The following SMCO4 variants were observed in gnomAD, a reference collection of about 807,000 sequenced individuals.
SMCO4 encodes the protein single-pass membrane protein with coiled-coil domains 4.
A neutral mutation model predicts 3.6 loss-of-function variants in SMCO4; 4 were observed. The ratio of observed to expected loss-of-function variants is 1.11; its 90% CI spans 0.54 to 2.53. The LOEUF (loss-of-function observed/expected upper bound fraction) is 2.53, where lower values mean the gene tolerates loss of function less well. SMCO4 is among the 30% of genes most tolerant of loss of function. The pLI, the probability that SMCO4 is intolerant of heterozygous loss-of-function variation, is 0.02. For synonymous variants in SMCO4, 36 were observed against 35.3 expected, an observed-to-expected ratio of 1.02 and a Z score of -0.07; for missense variants, 70 against 80.8, an observed-to-expected ratio of 0.87 and a Z score of 0.51.
chr11:93,490,035 G>A (rs769505083), intron 2 of SMCO4, among the ~76,000 whole-genome samples: 4 of 152,218 alleles, frequency 2.6e-5, no homozygotes, highest in African/African-American at 7.2e-5. Context: ...CCTTCCCAGA[G>A]CCAGCAGCAA....
intron 1 of SMCO4, among the ~76,000 whole-genome samples, chr11:93,503,118 T>C (rs1416472379): frequency 6.6e-6 from 1 of 151,976 alleles, no homozygotes; most frequent in Non-Finnish European, 1.5e-5. Context: ...CCCAGAGAGG[T>C]CAGGTCCTGT....
intron 1 of SMCO4, among the ~76,000 whole-genome samples, chr11:93,509,494 T>C (rs1177392642): frequency 6.6e-6 from 1 of 152,092 alleles, no homozygotes; most frequent in African/African-American, 2.4e-5. Flanking sequence ...AAGAAGTCAT[T>C]ATATGAGAAA....
At chr11:93,552,419 C>T in the SMCO4 span, among the ~76,000 whole-genome samples, 11 of 148,488 alleles carry the variant, frequency 7.4e-5, no homozygotes, top group African/African-American at 2.2e-4. Context: ...GGATTACAGG[C>T]GTAGGCCACC....
chr11:93,490,012 G>A (rs558417785), intron 2 of SMCO4, among the ~76,000 whole-genome samples: 7 of 152,170 alleles, frequency 4.6e-5, no homozygotes, highest in African/African-American at 1.4e-4. Flanking sequence ...GTGCAGGCTC[G>A]TCCTCAAAAG....
chr11:93,505,353 A>T (rs553027432), intron 1 of SMCO4, among the ~76,000 whole-genome samples: 2 of 152,352 alleles, frequency 1.3e-5, no homozygotes, highest in South Asian at 4.1e-4. Context: ...CCATATAAAA[A>T]GTATAATTAA....
chr11:93,546,554 C>T (rs923609008), upstream of SMCO4, among the ~76,000 whole-genome samples: 3 of 152,144 alleles, frequency 2.0e-5, no homozygotes, highest in African/African-American at 4.8e-5. Context: ...TAACCCACCA[C>T]CTCATTTTAC....
chr11:93,518,704 A>C (rs139091045), intron 1 of SMCO4, among the ~76,000 whole-genome samples: 5 of 152,350 alleles, frequency 3.3e-5, no homozygotes, highest in Non-Finnish European at 7.3e-5. Flanking sequence ...TGAAAGGCTA[A>C]GAGAAAAGAT....
intron 2 of SMCO4, among the ~76,000 whole-genome samples, chr11:93,495,400 A>T (rs1217852835): frequency 6.6e-6 from 1 of 152,114 alleles, no homozygotes; most frequent in Non-Finnish European, 1.5e-5. Context: ...CCTAAGATGA[A>T]ATTCAGGTAC....
At chr11:93,541,571 C>G (rs56796103) in intron 1 of SMCO4, among the ~76,000 whole-genome samples, 2,572 of 152,242 alleles carry the variant, frequency 0.017, 87 homozygotes, top group African/African-American at 0.059. Flanking sequence ...AGCGTCCACT[C>G]CAAGCTTGAA....
the SMCO4 span, among the ~76,000 whole-genome samples, chr11:93,551,603 G>A: frequency 1.3e-5 from 2 of 152,198 alleles, no homozygotes; most frequent in African/African-American, 4.8e-5. Flanking sequence ...TACTCCAGGT[G>A]AGTATTTTGC....
At chr11:93,534,277 T>C (rs868090944) in intron 1 of SMCO4, among the ~76,000 whole-genome samples, 21 of 146,340 alleles carry the variant, frequency 1.4e-4, no homozygotes, top group East Asian at 4.0e-4. Flanking sequence ...CATATATATA[T>C]ACATATATAC....
intron 2 of SMCO4, among the ~76,000 whole-genome samples, chr11:93,492,895 AT>A (rs1948734959): frequency 6.6e-6 from 1 of 152,182 alleles, no homozygotes; most frequent in African/African-American, 2.4e-5. Context: ...AAATTCATAT[AT>A]TTTGCAAAAG....
chr11:93,552,442 G>GTTATTATTATTATTA, the SMCO4 span, among the ~76,000 whole-genome samples: 21 of 130,238 alleles, frequency 1.6e-4, 1 homozygote, highest in East Asian at 2.3e-4. Flanking sequence ...GCCCAGCCAC[G>GTTATTATTATTATTA]TTATTATTAT....
At chr11:93,549,094 T>C in the SMCO4 span, among the ~76,000 whole-genome samples, 1 of 152,174 alleles carries the variant, frequency 6.6e-6, no homozygotes, top group Non-Finnish European at 1.5e-5. Context: ...TGAGACTCTA[T>C]TCCCCTGCCT....
chr11:93,535,290 G>T (rs981010592), intron 1 of SMCO4, among the ~76,000 whole-genome samples: 2 of 152,144 alleles, frequency 1.3e-5, no homozygotes, highest in South Asian at 2.1e-4. Flanking sequence ...GTGGCATGAC[G>T]CTTACACCAC....
At chr11:93,531,993 C>G (rs993948850) in intron 1 of SMCO4, among the ~76,000 whole-genome samples, 2 of 152,214 alleles carry the variant, frequency 1.3e-5, no homozygotes, top group Admixed American at 1.3e-4. Context: ...CAATGTTCAT[C>G]TTACATACAC....
At chr11:93,496,509 T>A (rs1012977253) in intron 2 of SMCO4, among the ~76,000 whole-genome samples, 1 of 152,046 alleles carries the variant, frequency 6.6e-6, no homozygotes, top group African/African-American at 2.4e-5. Flanking sequence ...AGATACCAAG[T>A]TTGCTAACTG....
At chr11:93,491,045 G>A (rs1333314868) in intron 2 of SMCO4, among the ~76,000 whole-genome samples, 3 of 152,242 alleles carry the variant, frequency 2.0e-5, no homozygotes, top group Admixed American at 6.5e-5. Context: ...TCTATATACC[G>A]TCATTCCTTA....
At chr11:93,547,050 C>CA (rs1949320561), upstream of SMCO4, among the ~76,000 whole-genome samples, 3 of 152,146 alleles carry the variant, frequency 2.0e-5, no homozygotes, top group South Asian at 6.2e-4. Context: ...ATAATGTAAA[C>CA]AAAAAAATTT....
Sources: gnomAD v4.1 joint callset for allele counts (sites outside exome capture counted in the v4.1 genomes callset) on GRCh38, gnomAD v4.1.1 for gene constraint, MANE v1.5 for transcripts, NCBI Gene and HGNC (gene_info 2026-07-23, HGNC 2026-07-21) for gene names.